The following KLRG1 variants were observed in gnomAD, a reference collection of about 807,000 sequenced individuals.
The protein encoded by KLRG1 is killer cell lectin like receptor G1.
KLRG1 carries 16 observed loss-of-function variants against 21.8 expected under a neutral mutation model. The ratio of observed to expected loss-of-function variants is 0.73; its 90% CI spans 0.50 to 1.11. The LOEUF (loss-of-function observed/expected upper bound fraction) is 1.11, where lower values mean the gene tolerates loss of function less well. Ranked by LOEUF, KLRG1 falls within the 50% of genes most tolerant of loss-of-function variation. KLRG1 has a pLI of 0.00. For synonymous variants in KLRG1, 69 were observed against 75.9 expected, an observed-to-expected ratio of 0.91 and a Z score of 0.47; for missense variants, 173 against 218.3, an observed-to-expected ratio of 0.79 and a Z score of 1.31.
At chr12:8,968,612 T>C (rs889819229) in intron 1 of KLRG1, among the ~76,000 whole-genome samples, 1 of 152,224 alleles carries the variant, frequency 6.6e-6, no homozygotes, top group Non-Finnish European at 1.5e-5. Flanking sequence ...GTTAAACTGT[T>C]TAATTGACAT....
the KLRG1 span, chr12:9,169,494 A>G: frequency 6.2e-7 from 1 of 1,613,010 alleles, no homozygotes; most frequent in Non-Finnish European, 8.5e-7. Context: ...TCCATTATGA[A>G]TGAAGAAAGG....
chr12:8,971,531 G>T (rs1946567178), intron 1 of KLRG1, among the ~76,000 whole-genome samples: 1 of 151,846 alleles, frequency 6.6e-6, no homozygotes, highest in Non-Finnish European at 1.5e-5. Flanking sequence ...TGTTGCCCAG[G>T]CTGGAGTGCA....
chr12:8,962,025 A>G (rs1489653599), intron 1 of KLRG1, among the ~76,000 whole-genome samples: 1 of 151,908 alleles, frequency 6.6e-6, no homozygotes, highest in Non-Finnish European at 1.5e-5. Context: ...GGTGGAGGTT[A>G]TAGTGAGCTG....
the KLRG1 span, among the ~76,000 whole-genome samples, chr12:9,182,501 TATA>T: frequency 4.6e-5 from 7 of 152,212 alleles, no homozygotes; most frequent in Admixed American, 4.6e-4. Flanking sequence ...ATTTGTAAGA[TATA>T]ATAAGTTTAT....
chr12:9,091,060 G>T, the KLRG1 span: 1 of 1,092,658 alleles, frequency 9.2e-7, no homozygotes, highest in Non-Finnish European at 1.3e-6. Flanking sequence ...GGTATTTGGA[G>T]ATCTCAAAAC....
At chr12:9,161,648 A>G in the KLRG1 span, among the ~76,000 whole-genome samples, 1 of 152,232 alleles carries the variant, frequency 6.6e-6, no homozygotes, top group South Asian at 2.1e-4. Flanking sequence ...CCCTTACACT[A>G]TATTTGAATG....
intron 3 of KLRG1, among the ~76,000 whole-genome samples, chr12:8,997,225 T>C (rs1477524163): frequency 1.3e-5 from 2 of 152,176 alleles, no homozygotes; most frequent in Non-Finnish European, 2.9e-5. Flanking sequence ...TGGGGCCAAG[T>C]CAGTGCTGGA....
At chr12:8,978,137 A>T (rs763350760) in intron 1 of KLRG1, among the ~76,000 whole-genome samples, 1 of 152,128 alleles carries the variant, frequency 6.6e-6, no homozygotes, top group African/African-American at 2.4e-5. Context: ...TTACAGTGTC[A>T]TATGATTCTG....
At chr12:9,044,122 C>T in the KLRG1 span, among the ~76,000 whole-genome samples, 1 of 152,102 alleles carries the variant, frequency 6.6e-6, no homozygotes, top group Non-Finnish European at 1.5e-5. Flanking sequence ...GTTTTTTATA[C>T]AGTAACAGAT....
At chr12:9,200,464 A>G in the KLRG1 span, 24 of 1,564,054 alleles carry the variant, frequency 1.5e-5, no homozygotes, top group African/African-American at 2.4e-4. Context: ...AATAGAGATA[A>G]TAGGAATAAG....
the KLRG1 span, among the ~76,000 whole-genome samples, chr12:9,132,450 C>G: frequency 6.6e-6 from 1 of 152,160 alleles, no homozygotes; most frequent in Non-Finnish European, 1.5e-5. Context: ...GAGAGAGAGT[C>G]AGAGCCCTGT....
chr12:8,955,749 T>C (rs2137199059), intron 1 of KLRG1, among the ~76,000 whole-genome samples: 1 of 152,070 alleles, frequency 6.6e-6, no homozygotes, highest in Middle Eastern at 3.4e-3. Flanking sequence ...TAGAACTTAG[T>C]ATAAATGGAC....
At chr12:9,090,010 G>A in the KLRG1 span, 1 of 1,590,400 alleles carries the variant, frequency 6.3e-7, no homozygotes, top group Non-Finnish European at 8.6e-7. Context: ...CGCTCACAGT[G>A]AAATTCACAT....
chr12:9,050,564 C>T, the KLRG1 span, among the ~76,000 whole-genome samples: 1 of 152,154 alleles, frequency 6.6e-6, no homozygotes, highest in Non-Finnish European at 1.5e-5. Flanking sequence ...GCCCCGTCCT[C>T]CTGGGTGGGG....
chr12:9,153,264 G>C, the KLRG1 span: 2 of 1,614,148 alleles, frequency 1.2e-6, no homozygotes, highest in Non-Finnish European at 1.7e-6. Flanking sequence ...ATCCTGAACG[G>C]TGACCTGTGC....
chr12:9,166,341 G>T, the KLRG1 span: 1 of 779,670 alleles, frequency 1.3e-6, no homozygotes, highest in Non-Finnish European at 2.0e-6. Flanking sequence ...TAGAACTTGG[G>T]AAATACTTTG....
the KLRG1 span, chr12:9,157,203 G>C: frequency 6.2e-7 from 1 of 1,613,964 alleles, no homozygotes; most frequent in African/African-American, 1.3e-5. Flanking sequence ...TATCAAGTGA[G>C]TTCAGTATTT....
At chr12:9,097,657 C>G in the KLRG1 span, among the ~76,000 whole-genome samples, 2 of 104,038 alleles carry the variant, frequency 1.9e-5, no homozygotes, top group Admixed American at 9.0e-5. Context: ...TTTTTGACAC[C>G]AAGTCTTGCT....
chr12:9,123,995 C>T, the KLRG1 span, among the ~76,000 whole-genome samples: 9 of 152,294 alleles, frequency 5.9e-5, no homozygotes, highest in African/African-American at 2.2e-4. Flanking sequence ...AAGTGCAGCT[C>T]CCTGCCAGCA....
Sources: gnomAD v4.1 joint callset for allele counts (sites outside exome capture counted in the v4.1 genomes callset) on GRCh38, gnomAD v4.1.1 for gene constraint, MANE v1.5 for transcripts, NCBI Gene and HGNC (gene_info 2026-07-23, HGNC 2026-07-21) for gene names.